Variants in LINGO2 observed in about 807,000 individuals in gnomAD.
LINGO2 encodes leucine rich repeat and Ig domain containing 2.
Under a neutral mutation model 30.6 loss-of-function variants are expected in LINGO2, and 14 were observed. The observed-to-expected ratio is 0.46, with a 90% CI of 0.30 to 0.72. The LOEUF (loss-of-function observed/expected upper bound fraction) is 0.72. Ranked by LOEUF, LINGO2 falls within the 30% of genes least tolerant of loss-of-function variation. LINGO2 has a pLI of 0.07. For missense variants in LINGO2, 729 were observed against 751.7 expected, an observed-to-expected ratio of 0.97 and a Z score of 0.35; for synonymous variants, 317 against 288.5, an observed-to-expected ratio of 1.10 and a Z score of -1.00.
intron 1 of LINGO2, among the ~76,000 whole-genome samples, chr9:28,628,606 T>G (rs781685386): frequency 6.6e-6 from 1 of 152,068 alleles, no homozygotes; most frequent in Non-Finnish European, 1.5e-5. Context: ...CACCTGTATT[T>G]GTTTGATGTG....
At chr9:28,134,987 G>A (rs966082411) in intron 4 of LINGO2, among the ~76,000 whole-genome samples, 1 of 152,198 alleles carries the variant, frequency 6.6e-6, no homozygotes, top group Non-Finnish European at 1.5e-5. Context: ...GCAAAGCCTA[G>A]AAGGCTGCAT....
At chr9:28,013,134 G>C (rs1822643917) in intron 4 of LINGO2, among the ~76,000 whole-genome samples, 2 of 152,136 alleles carry the variant, frequency 1.3e-5, no homozygotes, top group African/African-American at 4.8e-5. Flanking sequence ...TGTATTTTCT[G>C]AGCACTGGGT....
chr9:29,140,670 A>C, the LINGO2 span, among the ~76,000 whole-genome samples: 1 of 151,986 alleles, frequency 6.6e-6, no homozygotes, highest in Non-Finnish European at 1.5e-5. Flanking sequence ...AGAATCAAGA[A>C]TCCCAACAGA....
the LINGO2 span, among the ~76,000 whole-genome samples, chr9:28,938,593 C>G: frequency 6.6e-6 from 1 of 152,134 alleles, no homozygotes; most frequent in Non-Finnish European, 1.5e-5. Flanking sequence ...AATGCATTAT[C>G]TTTTCTATGT....
rs1428478506 is a variant in LINGO2, at chr9:28,148,662, A to G, written c.-86-136257T>C. On this transcript the variant is annotated intron_variant, in intron 4 of 5. Coordinates refer to ENST00000379992, the Ensembl canonical transcript of LINGO2. The surrounding 1 kb of genome is among the most constrained non-coding windows in gnomAD (Gnocchi z 5.1). ...GAAAACAACCAGACTGACAAGGCCC[A>G]GGTGCCTGCAGTGAGTTTCTACTCC... 1.0e-5 allele frequency: 16 copies of G among 1,532,698 alleles called. No homozygotes were observed. The East Asian group carries it at 3.9e-4, about 37-fold the overall frequency. The allele number at this position is 1,532,698 out of a possible 1,614,324, so 94.9% of individuals were successfully genotyped here. A position where few individuals can be genotyped will look rare whatever the true frequency, so the allele number is the denominator to read the frequency against.
intron 4 of LINGO2, among the ~76,000 whole-genome samples, chr9:28,172,755 A>T (rs1253066414): frequency 6.6e-6 from 1 of 152,012 alleles, no homozygotes; most frequent in African/African-American, 2.4e-5. Flanking sequence ...CTGGAAGCTC[A>T]TTCTTCTAGT....
intron 5 of LINGO2, among the ~76,000 whole-genome samples, chr9:27,973,546 T>C (rs1207635105): frequency 6.6e-6 from 1 of 152,118 alleles, no homozygotes; most frequent in Non-Finnish European, 1.5e-5. Flanking sequence ...CTCTAAAACA[T>C]TTAAGGAAGG....
the LINGO2 span, among the ~76,000 whole-genome samples, chr9:29,039,143 C>G: frequency 6.6e-6 from 1 of 152,102 alleles, no homozygotes. Flanking sequence ...TTTGAAAGAT[C>G]TTAAAATGGG....
the LINGO2 span, among the ~76,000 whole-genome samples, chr9:29,082,849 C>T: frequency 1.3e-5 from 2 of 152,220 alleles, no homozygotes; most frequent in African/African-American, 4.8e-5. Flanking sequence ...TCATCACTGG[C>T]CATCAGAGAA....
At chr9:28,547,114 T>C (rs889583217) in intron 1 of LINGO2, among the ~76,000 whole-genome samples, 2 of 152,098 alleles carry the variant, frequency 1.3e-5, no homozygotes, top group Non-Finnish European at 2.9e-5. Context: ...CTCCATTTGT[T>C]CTATATCAAT....
At chr9:28,275,446 C>A (rs1164149817) in intron 4 of LINGO2, among the ~76,000 whole-genome samples, 1 of 152,074 alleles carries the variant, frequency 6.6e-6, no homozygotes, top group African/African-American at 2.4e-5. Flanking sequence ...TAAATCCCAG[C>A]CTCATCAGTC....
At chr9:27,983,594 A>G (rs945217243) in intron 5 of LINGO2, among the ~76,000 whole-genome samples, 2 of 151,896 alleles carry the variant, frequency 1.3e-5, no homozygotes, top group Non-Finnish European at 2.9e-5. Flanking sequence ...CAGTCATTGT[A>G]TCTTACTATG....
At chr9:28,704,657 G>T in the LINGO2 span, among the ~76,000 whole-genome samples, 421 of 151,996 alleles carry the variant, frequency 2.8e-3, 4 homozygotes, top group African/African-American at 9.7e-3. Flanking sequence ...TCTTCAAGCT[G>T]AGAGATTCTT....
Position 28,225,257 on chromosome 9 carries a change from T to C in LINGO2, c.-87+69951A>G, listed in dbSNP as rs576102924. Among the ~76,000 whole-genome samples the C allele has an allele frequency of 8.5e-5, 13 of 152,318 alleles. No individual in the cohort carries two copies. In the South Asian group the frequency reaches 2.7e-3, roughly 32 times the overall value. On this transcript the variant is annotated intron_variant, in intron 4 of 5. Transcript: ENST00000379992. The stretch of plus-strand genomic sequence containing the variant: ...AGGTATTAATTTAACATTGTTATTA[T>C]TAAAGGGTATAACATGTTATTGTGA...
At chr9:28,884,935 ATATAATATATATAATAT>A in the LINGO2 span, among the ~76,000 whole-genome samples, 226 of 7,952 alleles carry the variant, frequency 0.028, 5 homozygotes, top group Non-Finnish European at 0.052. Context: ...ATAATATTAT[ATATAATATATATAATAT>A]ATAATATTTT....
the LINGO2 span, among the ~76,000 whole-genome samples, chr9:28,910,380 T>C: frequency 7.2e-5 from 11 of 152,086 alleles, no homozygotes; most frequent in Non-Finnish European, 1.5e-4. Context: ...TAAATGTGAA[T>C]GCATCTCTTT....
chr9:28,992,727 A>G, the LINGO2 span, among the ~76,000 whole-genome samples: 2 of 152,162 alleles, frequency 1.3e-5, no homozygotes, highest in African/African-American at 2.4e-5. Flanking sequence ...AAACCACTCA[A>G]CTACATGGAA....
At chr9:28,641,708 C>T (rs183277811) in intron 1 of LINGO2, among the ~76,000 whole-genome samples, 3 of 152,026 alleles carry the variant, frequency 2.0e-5, no homozygotes, top group South Asian at 4.1e-4. Flanking sequence ...GATAAAGATG[C>T]GGCAAGAAAG....
At chr9:29,012,620 T>A in the LINGO2 span, among the ~76,000 whole-genome samples, 6 of 152,068 alleles carry the variant, frequency 3.9e-5, no homozygotes, top group Non-Finnish European at 5.9e-5. Context: ...TAATTACAAT[T>A]CCTAGTAACA....
Sources: gnomAD v4.1 joint callset for allele counts (sites outside exome capture counted in the v4.1 genomes callset) on GRCh38, gnomAD v4.1.1 for gene constraint, Gnocchi (gnomAD v3.1) non-coding constraint, MANE v1.5 for transcripts, NCBI Gene and HGNC (gene_info 2026-07-23, HGNC 2026-07-21) for gene names.